Variants in VPS13D observed in about 807,000 individuals in gnomAD.
VPS13D encodes the protein intermembrane lipid transfer protein VPS13D.
VPS13D carries 187 observed loss-of-function variants against 461.9 expected under a neutral mutation model. The ratio of observed to expected loss-of-function variants is 0.40; its 90% CI spans 0.36 to 0.46. The LOEUF (loss-of-function observed/expected upper bound fraction) is 0.46, where lower values mean the gene tolerates loss of function less well. Ranked by LOEUF, VPS13D falls within the 20% of genes least tolerant of loss-of-function variation. VPS13D has a pLI of 0.60. For missense variants in VPS13D, 4,711 were observed against 5,364.9 expected, an observed-to-expected ratio of 0.88 and a Z score of 3.81; for synonymous variants, 1,951 against 1,986.3, an observed-to-expected ratio of 0.98 and a Z score of 0.47.
At chr1:12,474,620 T>C (rs906550712) in intron 67 of VPS13D, among the ~76,000 whole-genome samples, 7 of 152,232 alleles carry the variant, frequency 4.6e-5, no homozygotes, top group African/African-American at 1.7e-4. Flanking sequence ...TTCTGCATAA[T>C]GAAAATACAA....
rs551152186 is a variant in VPS13D, at chr1:12,318,302, A to G, written c.7379A>G (p.Asn2460Ser). ...AAGCGGTCTTCCCTTCCTGTGTCCAATGAAAGGCACCTGGAGGTCAAGGTC... is the reference window on the plus strand; with the variant it reads ...AAGCGGTCTTCCCTTCCTGTGTCCAGTGAAAGGCACCTGGAGGTCAAGGTC... ...VTKRSSLPVS[N>S]ERHLEVKVNV... The change falls in exon 31 of 70, where the codon AAT (asparagine) becomes AGT (serine). Residue 2460 changes from asparagine to serine, a missense_variant. Asn to Ser is a conservative substitution (Grantham distance 46). Coordinates refer to ENST00000620676, the MANE Select transcript of VPS13D (RefSeq NM_015378.4). 30 of 1,612,634 alleles carry G rather than the reference A, an allele frequency of 1.9e-5. No individual in the cohort carries two copies. Among genetic ancestry groups the G allele is most frequent in the Admixed American group, 1.7e-4 (10 of 60,008 alleles).
At chr1:12,252,112 T>C (rs1640752973) in intron 6 of VPS13D, among the ~76,000 whole-genome samples, 1 of 152,168 alleles carries the variant, frequency 6.6e-6, no homozygotes, top group African/African-American at 2.4e-5. Context: ...CAATACTCGT[T>C]AGATTAGGGC....
chr1:12,364,038 T>TA (rs970380422), intron 52 of VPS13D, among the ~76,000 whole-genome samples: 3 of 151,234 alleles, frequency 2.0e-5, no homozygotes, highest in African/African-American at 7.3e-5. Context: ...TCAAATACTT[T>TA]AAAAAAATTA....
chr1:12,492,643 C>G (rs1188678081), intron 67 of VPS13D, among the ~76,000 whole-genome samples: 1 of 152,160 alleles, frequency 6.6e-6, no homozygotes, highest in East Asian at 1.9e-4. Context: ...AGCAAATTCC[C>G]CCTAGATAGA....
At chr1:12,362,151 C>G (rs1643960563) in intron 50 of VPS13D, among the ~76,000 whole-genome samples, 1 of 152,224 alleles carries the variant, frequency 6.6e-6, no homozygotes, top group African/African-American at 2.4e-5. Context: ...GCATGAGCCA[C>G]CACACCCGGC....
intron 27 of VPS13D, among the ~76,000 whole-genome samples, chr1:12,310,366 C>T (rs1271430856): frequency 6.6e-6 from 1 of 152,188 alleles, no homozygotes; most frequent in Non-Finnish European, 1.5e-5. Flanking sequence ...TTATATACCT[C>T]TGCCATTTCA....
At chr1:12,323,678 T>A in intron 34 of VPS13D, 28 bp from the exon 35 acceptor site, 1 of 1,597,012 alleles carries the variant, frequency 6.3e-7, no homozygotes, top group Non-Finnish European at 8.6e-7. Flanking sequence ...AAATTATTTA[T>A]GAAAATTTTA....
At chr1:12,282,001 C>T (rs1641799237) in intron 20 of VPS13D, among the ~76,000 whole-genome samples, 1 of 152,010 alleles carries the variant, frequency 6.6e-6, no homozygotes, top group South Asian at 2.1e-4. Flanking sequence ...GGTCCTCCCA[C>T]CTCTGCCTCC....
chr1:12,493,342 G>A (rs180707708), intron 67 of VPS13D, among the ~76,000 whole-genome samples: 2,922 of 152,098 alleles, frequency 0.019, 112 homozygotes, highest in Admixed American at 0.1. Flanking sequence ...AATTAGCTGG[G>A]CATGGTGGCG....
intron 22 of VPS13D, 119 bp downstream of exon 22, chr1:12,288,432 G>T: frequency 1.2e-6 from 1 of 856,734 alleles, no homozygotes; most frequent in Admixed American, 2.0e-5. Context: ...CTTGATTGTG[G>T]TTATTAGTCT....
At chr1:12,281,014 C>T (rs1481732547) in intron 20 of VPS13D, among the ~76,000 whole-genome samples, 1 of 151,376 alleles carries the variant, frequency 6.6e-6, no homozygotes, top group East Asian at 1.9e-4. Flanking sequence ...CTTTATGTGC[C>T]CATCACTCTG....
Position 12,353,113 on chromosome 1 carries a change from CAAG to C in VPS13D, c.9432-859_9432-857del, listed in dbSNP as rs545141612. ...AAACTGGGAAAAACCAATTGGCTATCAAGAGGATAATGAATAAATTAACAGCAA... is the reference window on the plus strand; with the variant it reads ...AAACTGGGAAAAACCAATTGGCTATCAGGATAATGAATAAATTAACAGCAA... On this transcript the variant is annotated intron_variant, in intron 46 of 69. Coordinates refer to ENST00000620676, the MANE Select transcript of VPS13D (RefSeq NM_015378.4). Among the ~76,000 whole-genome samples the C allele has an allele frequency of 4.3e-3, 651 of 151,026 alleles. 3 individuals carry two copies. Among genetic ancestry groups the C allele is most frequent in the African/African-American group, 0.015 (627 of 41,154 alleles).
At chr1:12,254,038 T>TAAATTTA (rs1379205548) in intron 7 of VPS13D, among the ~76,000 whole-genome samples, 1 of 152,258 alleles carries the variant, frequency 6.6e-6, no homozygotes, top group Non-Finnish European at 1.5e-5. Context: ...ATGTATGTTT[T>TAAATTTA]AAATTTATAC....
At chr1:12,400,962 G>GCA (rs55998605) in intron 61 of VPS13D, among the ~76,000 whole-genome samples, 7,179 of 106,188 alleles carry the variant, frequency 0.068, 222 homozygotes, top group Middle Eastern at 0.1. Flanking sequence ...CTGCGCGCGC[G>GCA]CACACACACA....
intron 6 of VPS13D, among the ~76,000 whole-genome samples, chr1:12,252,433 C>T (rs1241063076): frequency 6.6e-6 from 1 of 152,168 alleles, no homozygotes; most frequent in Non-Finnish European, 1.5e-5. Context: ...CTTCCATATC[C>T]TCAGGTTCCA....
rs773388226 is a variant in VPS13D at position 12,277,756 on chromosome 1, C to T, written c.4168C>T (p.Arg1390Trp). 2.5e-5 allele frequency: 41 copies of T among 1,614,170 alleles called. No individual in the cohort carries two copies. Among genetic ancestry groups the T allele is most frequent in the Non-Finnish European group, 3.3e-5 (39 of 1,180,034 alleles). ...TGAATCACCAGTTGTTTCTATCCCTCGGAAGCCGGGGAGTCCTGAGTTGTT... is the reference window on the plus strand; with the variant it reads ...TGAATCACCAGTTGTTTCTATCCCTTGGAAGCCGGGGAGTCCTGAGTTGTT... ...NIESPVVSIP[R>W]KPGSPELLVG... is the part of the protein sequence containing the mutation. The change falls in exon 19 of 70, where the codon CGG becomes TGG. Residue 1390 changes from arginine to tryptophan, a missense_variant. Transcript: ENST00000620676.
chr1:12,376,288 G>A (rs958195680), intron 55 of VPS13D, among the ~76,000 whole-genome samples: 10 of 152,186 alleles, frequency 6.6e-5, no homozygotes, highest in Admixed American at 2.0e-4. Flanking sequence ...TGTGTTTTTA[G>A]GTTTGAGTTC....
chr1:12,264,601 A>T (rs1308377901), intron 13 of VPS13D, among the ~76,000 whole-genome samples: 2 of 152,234 alleles, frequency 1.3e-5, no homozygotes, highest in Non-Finnish European at 2.9e-5. Context: ...CAAGGCCTTA[A>T]CTCATTTCAG....
chr1:12,261,272 G>A, intron 12 of VPS13D, 123 bp downstream of exon 12: 3 of 1,147,090 alleles, frequency 2.6e-6, no homozygotes, highest in Non-Finnish European at 3.7e-6. Context: ...GTTCATAGAG[G>A]CTGAGAGAAG....
Sources: gnomAD v4.1 joint callset for allele counts (sites outside exome capture counted in the v4.1 genomes callset) on GRCh38, gnomAD v4.1.1 for gene constraint, MANE v1.5 for transcripts, NCBI Gene and HGNC (gene_info 2026-07-23, HGNC 2026-07-21) for gene names.